CTPS2: variants seen among roughly 807,000 people sequenced by gnomAD.
The protein encoded by CTPS2 is CTP synthase 2, also known as CTP synthase II.
A neutral mutation model predicts 46.8 loss-of-function variants in CTPS2; 19 were observed. That is an observed-to-expected ratio of 0.41 (90% CI 0.28 to 0.60). CTPS2 has a LOEUF of 0.60. Ranked by LOEUF, CTPS2 falls within the 20% of genes least tolerant of loss-of-function variation. The probability of loss-of-function intolerance (pLI) is 0.35; values close to 1 mark genes in which losing one functional copy is unlikely to be tolerated. For synonymous variants in CTPS2, 151 were observed against 165.2 expected, an observed-to-expected ratio of 0.91 and a Z score of 0.66; for missense variants, 286 against 447.6, an observed-to-expected ratio of 0.64 and a Z score of 3.26.
At chrX:16,634,533 C>G (rs1931639788) in intron 14 of CTPS2, among the ~76,000 whole-genome samples, 1 of 112,232 alleles carries the variant, frequency 8.9e-6, no homozygotes, top group South Asian at 3.7e-4. Context: ...ATTACCAGTA[C>G]TTTTGTCCAA....
At chrX:16,624,391 G>A (rs899757859) in intron 14 of CTPS2, among the ~76,000 whole-genome samples, 3 of 111,551 alleles carry the variant, frequency 2.7e-5, no homozygotes, top group Admixed American at 1.9e-4. Context: ...AGAACATCCC[G>A]AAAACAAAAT....
intron 13 of CTPS2, among the ~76,000 whole-genome samples, chrX:16,664,050 A>G (rs781385333): frequency 3.4e-4 from 38 of 111,409 alleles, no homozygotes; most frequent in Non-Finnish European, 5.8e-4. Flanking sequence ...GTTAGCCAGG[A>G]TGGTCTTGAT....
intron 17 of CTPS2, chrX:16,591,066 G>A (rs1928876721): frequency 3.3e-6 from 1 of 305,704 alleles, no homozygotes; most frequent in African/African-American, 2.7e-5. Context: ...CAGAGAAACT[G>A]ATCACTTATT....
intron 2 of CTPS2, 109 bp downstream of exon 2, chrX:16,702,628 G>A (rs1271681041): frequency 7.3e-6 from 5 of 680,386 alleles, no homozygotes; most frequent in East Asian, 6.5e-5. Flanking sequence ...CATAGCATAC[G>A]ATCTAGTCAC....
chrX:16,645,435 AGG>A (rs1313576407), intron 13 of CTPS2, among the ~76,000 whole-genome samples: 1 of 110,865 alleles, frequency 9.0e-6, no homozygotes, highest in African/African-American at 3.3e-5. Flanking sequence ...GCAGACGGGA[AGG>A]GAGGGGTGGT....
At chrX:16,687,474 C>CAAAAAAAAAAAAAAAA (rs35798035) in intron 8 of CTPS2, among the ~76,000 whole-genome samples, 3 of 44,328 alleles carry the variant, frequency 6.8e-5, no homozygotes, top group African/African-American at 8.4e-5. Flanking sequence ...CACCCTGTGT[C>CAAAAAAAAAAAAAAAA]AAAAAAAAAA....
chrX:16,680,103 T>C (rs1436147542), intron 9 of CTPS2, among the ~76,000 whole-genome samples: 2 of 111,469 alleles, frequency 1.8e-5, no homozygotes, highest in Admixed American at 9.6e-5. Flanking sequence ...GATAGACAGA[T>C]GCAGCCCAAT....
intron 8 of CTPS2, 29 bp downstream of exon 8, chrX:16,689,421 A>G: frequency 8.4e-7 from 1 of 1,196,817 alleles, no homozygotes; most frequent in Non-Finnish European, 1.1e-6. Context: ...AAATTATTAA[A>G]GATTATACAA....
At chrX:16,705,829 G>A (rs1334743505) in intron 1 of CTPS2, among the ~76,000 whole-genome samples, 5 of 110,952 alleles carry the variant, frequency 4.5e-5, no homozygotes, top group Non-Finnish European at 9.4e-5. Context: ...TAAACCAGGC[G>A]TGGTGGCTCA....
intron 6 of CTPS2, among the ~76,000 whole-genome samples, chrX:16,692,283 C>A (rs1360303660): frequency 9.4e-6 from 1 of 106,797 alleles, no homozygotes; most frequent in African/African-American, 3.4e-5. Flanking sequence ...TCTCTACAAA[C>A]ACACACACAC....
At chrX:16,594,791 G>T (rs1929138066) in intron 17 of CTPS2, among the ~76,000 whole-genome samples, 1 of 112,449 alleles carries the variant, frequency 8.9e-6, no homozygotes, top group African/African-American at 3.2e-5. Context: ...TTCACTAATT[G>T]TCTTTCATAT....
chrX:16,663,217 A>G (rs2147287463), intron 13 of CTPS2, among the ~76,000 whole-genome samples: 1 of 111,589 alleles, frequency 9.0e-6, no homozygotes, highest in Admixed American at 9.6e-5. Context: ...GCGTGATCAC[A>G]GCTCACTGCA....
intron 13 of CTPS2, among the ~76,000 whole-genome samples, chrX:16,657,597 G>A (rs1932851067): frequency 9.0e-6 from 1 of 111,619 alleles, no homozygotes; most frequent in African/African-American, 3.3e-5. Flanking sequence ...GCAGGAATAA[G>A]AGAGCCACTA....
At chrX:16,647,959 G>A (rs921814375) in intron 13 of CTPS2, among the ~76,000 whole-genome samples, 22 of 110,109 alleles carry the variant, frequency 2.0e-4, no homozygotes, top group East Asian at 5.8e-4. Context: ...ATATGTATCC[G>A]GGCATGGTGG....
intron 14 of CTPS2, among the ~76,000 whole-genome samples, chrX:16,635,936 G>GA (rs1569205208): frequency 8.9e-6 from 1 of 111,793 alleles, no homozygotes; most frequent in African/African-American, 3.3e-5. Context: ...AAATTAAGGA[G>GA]AAAAAATTAA....
At chrX:16,669,853 C>T (rs1014253939) in intron 11 of CTPS2, among the ~76,000 whole-genome samples, 51 of 110,651 alleles carry the variant, frequency 4.6e-4, no homozygotes, top group Middle Eastern at 4.7e-3. Flanking sequence ...GGCTGCCTCT[C>T]CCGCATCAAG....
intron 1 of CTPS2, 32 bp from the exon 2 acceptor site, chrX:16,702,973 G>T: frequency 1.1e-6 from 1 of 908,563 alleles, no homozygotes; most frequent in Non-Finnish European, 1.5e-6. Flanking sequence ...GATAAGGAAA[G>T]AGAAATATTT....
At chrX:16,636,317 C>T (rs1359769577) in intron 14 of CTPS2, among the ~76,000 whole-genome samples, 3 of 111,789 alleles carry the variant, frequency 2.7e-5, no homozygotes, top group African/African-American at 9.7e-5. Context: ...ATCGCTTAAA[C>T]CCAGGAGGTG....
chrX:16,623,409 C>T (rs756080397), intron 14 of CTPS2, among the ~76,000 whole-genome samples: 2 of 111,498 alleles, frequency 1.8e-5, no homozygotes, highest in South Asian at 7.6e-4. Context: ...TCCCTACCAG[C>T]CCCCCACTAC....
Sources: allele counts gnomAD v4.1 joint callset (sites outside exome capture counted in the v4.1 genomes callset), GRCh38; gene constraint gnomAD v4.1.1; transcripts MANE v1.5; gene names NCBI Gene and HGNC (gene_info 2026-07-23, HGNC 2026-07-21).